ZNF736: variants seen among roughly 807,000 people sequenced by gnomAD.
The protein encoded by ZNF736 is zinc finger protein 736.
A neutral mutation model predicts 11.7 loss-of-function variants in ZNF736; 6 were observed. That is an observed-to-expected ratio of 0.51 (90% CI 0.28 to 1.01). ZNF736 has a LOEUF of 1.01. Ranked by LOEUF, ZNF736 falls within the 50% of genes least tolerant of loss-of-function variation. ZNF736 has a pLI of 0.09. For synonymous variants in ZNF736, 139 were observed against 164.7 expected (o/e 0.84, Z 1.19); for missense variants, 444 against 496.0 (o/e 0.90, Z 1.00).
chr7:64,326,116 A>T (rs554685190), intron 1 of ZNF736, among the ~76,000 whole-genome samples: 45 of 152,104 alleles, frequency 3.0e-4, no homozygotes, highest in African/African-American at 8.0e-4. Flanking sequence ...AAAAAAAAAA[A>T]TTTTCTTTCT....
intron 1 of ZNF736, among the ~76,000 whole-genome samples, chr7:64,324,272 A>C (rs1249487138): frequency 1.3e-5 from 2 of 152,196 alleles, no homozygotes; most frequent in Non-Finnish European, 2.9e-5. Context: ...GTCAATCATC[A>C]ACAAATAACA....
At chr7:64,320,156 A>G (rs959646851) in intron 1 of ZNF736, among the ~76,000 whole-genome samples, 2 of 152,234 alleles carry the variant, frequency 1.3e-5, no homozygotes, top group African/African-American at 4.8e-5. Flanking sequence ...TTAAAACTTC[A>G]GAGAAATAAC....
chr7:64,330,551 C>T (rs1484979128), intron 1 of ZNF736, among the ~76,000 whole-genome samples: 8 of 152,000 alleles, frequency 5.3e-5, no homozygotes, highest in Admixed American at 1.3e-4. Flanking sequence ...TACCTTGTTA[C>T]GGCTACCCCA....
In ZNF736 at chr7:64,354,561, TG is replaced by T. The variant is rs1323673570; in HGVS notation, c.*5415del. The stretch of plus-strand genomic sequence containing the variant: ...AATCATCTTGTGCAAATTCTTTTTT[TG>T]TTGTTTGTCTGTTTGCCTGTTGCTC... On this transcript the variant is annotated 3_prime_UTR_variant, in exon 4 of 4. Coordinates refer to ENST00000423484, the MANE Select transcript of ZNF736 (RefSeq NM_001170905.3). The T allele has an allele frequency of 6.6e-6, 1 of 152,148 alleles. No homozygotes were observed. The highest frequency in any genetic ancestry group is 1.9e-4 in the East Asian group (1 of 5,196). 9.4% of individuals were successfully genotyped at this position (152,148 alleles called of 1,614,324 possible). A position where few individuals can be genotyped will look rare whatever the true frequency, so the allele number is the denominator to read the frequency against.
At chr7:64,321,757 T>TG (rs1395616550) in intron 1 of ZNF736, among the ~76,000 whole-genome samples, 2 of 152,140 alleles carry the variant, frequency 1.3e-5, no homozygotes, top group African/African-American at 4.8e-5. Context: ...GTTGGATGGT[T>TG]GGGGGTGTCC....
intron 3 of ZNF736, 38 bp from the exon 4 acceptor site, chr7:64,348,052 T>A: frequency 2.8e-6 from 4 of 1,413,420 alleles, no homozygotes; most frequent in Middle Eastern, 1.8e-4. Flanking sequence ...TATATTCACC[T>A]GAGTCTAATG....
chr7:64,324,065 A>G (rs904191473), intron 1 of ZNF736, among the ~76,000 whole-genome samples: 2 of 152,182 alleles, frequency 1.3e-5, no homozygotes, highest in African/African-American at 2.4e-5. Context: ...ATAATTGTCA[A>G]AGGCTTCCAT....
At chr7:64,337,751 T>TTG (rs1789276341) in intron 3 of ZNF736, among the ~76,000 whole-genome samples, 2 of 40,450 alleles carry the variant, frequency 4.9e-5, no homozygotes, top group African/African-American at 1.0e-4. Context: ...GTTTTGTTTT[T>TTG]TTTGGTTTTT....
chr7:64,338,624 G>A (rs541380466), intron 3 of ZNF736, among the ~76,000 whole-genome samples: 1 of 151,966 alleles, frequency 6.6e-6, no homozygotes, highest in South Asian at 2.1e-4. Flanking sequence ...TGTTTCACTC[G>A]GCATAACATC....
At chr7:64,339,328 G>A (rs1023237171) in intron 3 of ZNF736, among the ~76,000 whole-genome samples, 8 of 152,016 alleles carry the variant, frequency 5.3e-5, no homozygotes, top group African/African-American at 1.9e-4. Context: ...TTTTATTGCT[G>A]TACTTTTGCT....
intron 1 of ZNF736, among the ~76,000 whole-genome samples, chr7:64,333,702 G>T (rs1432660414): frequency 1.3e-5 from 2 of 151,874 alleles, no homozygotes; most frequent in Non-Finnish European, 2.9e-5. Context: ...TCAATATCAT[G>T]AAAATGGCAA....
chr7:64,329,576 C>T (rs796469520), intron 1 of ZNF736, among the ~76,000 whole-genome samples: 72 of 152,250 alleles, frequency 4.7e-4, no homozygotes, highest in African/African-American at 1.7e-3. Context: ...CAGGCAGACT[C>T]TTTTTCTATT....
intron 1 of ZNF736, among the ~76,000 whole-genome samples, chr7:64,334,786 G>T (rs1006896896): frequency 1.6e-4 from 25 of 152,126 alleles, no homozygotes; most frequent in Non-Finnish European, 3.1e-4. Context: ...TCATTACTAG[G>T]TATATGCCCA....
At chr7:64,331,879 G>T (rs2115913715) in intron 1 of ZNF736, among the ~76,000 whole-genome samples, 1 of 152,234 alleles carries the variant, frequency 6.6e-6, no homozygotes, top group Admixed American at 6.5e-5. Context: ...GTGATGGAAA[G>T]GGGAAACTCA....
At position 64,336,768 on chromosome 7, in the gene ZNF736, A is replaced by G. The variant is rs534429753; in HGVS notation, c.131-119A>G. 3.4e-4 allele frequency: 280 copies of G among 830,084 alleles called. 2 individuals are homozygous for G. The South Asian group carries it at 4.4e-3, about 13-fold the overall frequency. The allele number at this position is 830,084 out of a possible 1,614,324, so 51.4% of individuals were successfully genotyped here. ...TCTAAAGTTTCTGTTAGGAAACAGT[A>G]TATTAAAATTAATTTTCTAGAGTCT... On this transcript the variant is annotated intron_variant, in intron 2 of 3. Transcript: ENST00000423484.
intron 1 of ZNF736, among the ~76,000 whole-genome samples, chr7:64,324,442 C>T (rs538445096): frequency 6.6e-6 from 1 of 152,238 alleles, no homozygotes; most frequent in Admixed American, 6.5e-5. Flanking sequence ...CCATGTTTCT[C>T]CCAGGGTCAA....
intron 1 of ZNF736, among the ~76,000 whole-genome samples, chr7:64,328,131 CAT>C (rs1263812573): frequency 7.2e-5 from 11 of 152,184 alleles, no homozygotes; most frequent in South Asian, 4.1e-4. Flanking sequence ...TTTTGTACCA[CAT>C]GTTTTCTTAT....
Position 64,354,719 on chromosome 7 carries a change from T to C in ZNF736, c.*5572T>C, listed in dbSNP as rs375890801. ...CGTGAGTAATTTCACAGTGCGTGTATTGTATGTTATTTAGTGTATTTTATA... is the reference window on the plus strand; with the variant it reads ...CGTGAGTAATTTCACAGTGCGTGTACTGTATGTTATTTAGTGTATTTTATA... On this transcript the variant is annotated 3_prime_UTR_variant, in exon 4 of 4. Coordinates refer to ENST00000423484, the MANE Select transcript of ZNF736 (RefSeq NM_001170905.3). The C allele has an allele frequency of 5.9e-5, 9 of 152,204 alleles. No homozygotes were observed. The highest frequency in any genetic ancestry group is 5.9e-5 in the Non-Finnish European group (4 of 68,028). 9.4% of individuals were successfully genotyped at this position (152,204 alleles called of 1,614,324 possible).
chr7:64,325,635 A>T (rs1789072892), intron 1 of ZNF736, among the ~76,000 whole-genome samples: 1 of 152,178 alleles, frequency 6.6e-6, no homozygotes, highest in Non-Finnish European at 1.5e-5. Context: ...AAATTATGAA[A>T]CTTGAAGATA....
Sources: allele counts gnomAD v4.1 joint callset (sites outside exome capture counted in the v4.1 genomes callset), GRCh38; gene constraint gnomAD v4.1.1; transcripts MANE v1.5; gene names NCBI Gene and HGNC (gene_info 2026-07-23, HGNC 2026-07-21).